Variants in BCL2L13 observed in about 807,000 individuals in gnomAD.
The protein encoded by BCL2L13 is BCL2 like 13.
In BCL2L13, 13 loss-of-function variants were observed where a neutral mutation model predicts 25.8. The ratio of observed to expected loss-of-function variants is 0.50; its 90% CI spans 0.33 to 0.80. BCL2L13 has a LOEUF of 0.80. BCL2L13 is among the 30% of genes least tolerant of loss of function. The pLI, the probability that BCL2L13 is intolerant of heterozygous loss-of-function variation, is 0.02. For missense variants in BCL2L13, 504 were observed against 574.9 expected, an observed-to-expected ratio of 0.88 and a Z score of 1.26; for synonymous variants, 244 against 230.3, an observed-to-expected ratio of 1.06 and a Z score of -0.54.
At position 17,655,140 on chromosome 22, in the gene BCL2L13, C is replaced by T. The variant is rs555583329; in HGVS notation, c.-50-522C>T. Among the ~76,000 whole-genome samples the T allele has an allele frequency of 3.9e-5, 6 of 151,998 alleles. No individual in the cohort carries two copies. In the South Asian group the frequency reaches 8.3e-4, roughly 21 times the overall value. On this transcript the variant is annotated intron_variant, in intron 1 of 6. Transcript: ENST00000317582. ...AAACAGACTCATTAGCCCAGGCCTA[C>T]ACAGAGTCAGGATTATTAATATCAC...
At chr22:17,696,732 T>G (rs1305970670) in intron 5 of BCL2L13, among the ~76,000 whole-genome samples, 3 of 152,192 alleles carry the variant, frequency 2.0e-5, no homozygotes, top group Non-Finnish European at 4.4e-5. Context: ...GAAAGAAAAG[T>G]TAAATGACTT....
intron 3 of BCL2L13, chr22:17,684,616 T>A (rs1483070120): frequency 2.2e-6 from 1 of 453,710 alleles, no homozygotes. Flanking sequence ...CAGGCTGGAG[T>A]GCAGTGGCAC....
intron 6 of BCL2L13, chr22:17,703,192 T>C (rs56151691): frequency 5.2e-5 from 7 of 134,934 alleles, no homozygotes; most frequent in African/African-American, 1.8e-4. Flanking sequence ...CACACACATA[T>C]GTATATGTAT....
intron 6 of BCL2L13, among the ~76,000 whole-genome samples, chr22:17,718,839 C>T (rs1424357707): frequency 6.6e-6 from 1 of 152,188 alleles, no homozygotes; most frequent in African/African-American, 2.4e-5. Context: ...ATATCAGTAT[C>T]TAATTTTGTA....
Position 17,657,758 on chromosome 22 carries a change from C to T in BCL2L13, c.121+1926C>T, listed in dbSNP as rs576119033. On this transcript the variant is annotated intron_variant, in intron 2 of 6. Transcript: ENST00000317582. ...GTCTTGATCATCTGACCTCATGATC[C>T]GCCTGCCTCGGCCTCCCAAAGTGCT... Among the ~76,000 whole-genome samples, 11 of 151,388 alleles carry T rather than the reference C, an allele frequency of 7.3e-5. No homozygotes were observed. The South Asian group carries it at 8.3e-4, about 11-fold the overall frequency.
chr22:17,660,417 T>TGATA (rs1250785469), intron 2 of BCL2L13, among the ~76,000 whole-genome samples: 1 of 145,010 alleles, frequency 6.9e-6, no homozygotes, highest in Non-Finnish European at 1.6e-5. Flanking sequence ...CTACACTTAC[T>TGATA]GATTGATTGA....
rs1243779368 is a variant in BCL2L13 at position 17,728,576 on chromosome 22, C to T, written c.*1042C>T. ...TAGTATATTTTTTCCAATATGGGAC[C>T]TTAGTCTTACTACTGATGAGTTCTA... On this transcript the variant is annotated 3_prime_UTR_variant, in exon 7 of 7. Coordinates refer to ENST00000317582, the MANE Select transcript of BCL2L13 (RefSeq NM_015367.4). 2.0e-5 allele frequency: 3 copies of T among 152,168 alleles called. No individual in the cohort carries two copies. The highest frequency in any genetic ancestry group is 7.2e-5 in the African/African-American group (3 of 41,434). The allele number at this position is 152,168 out of a possible 1,614,324, so 9.4% of individuals were successfully genotyped here.
chr22:17,684,071 C>T (rs114075833), intron 3 of BCL2L13, among the ~76,000 whole-genome samples: 1,662 of 152,026 alleles, frequency 0.011, 25 homozygotes, highest in African/African-American at 0.037. Context: ...TTTTGTCTTC[C>T]ATAGGTAATG....
intron 1 of BCL2L13, among the ~76,000 whole-genome samples, chr22:17,653,700 C>T (rs1231185222): frequency 2.0e-5 from 3 of 151,838 alleles, no homozygotes; most frequent in East Asian, 1.9e-4. Flanking sequence ...GACAGGGTCT[C>T]ACTGTGTTGT....
At chr22:17,653,696 G>A (rs990173777) in intron 1 of BCL2L13, among the ~76,000 whole-genome samples, 2 of 151,680 alleles carry the variant, frequency 1.3e-5, no homozygotes, top group African/African-American at 4.8e-5. Context: ...TAGAGACAGG[G>A]TCTCACTGTG....
chr22:17,671,170 A>C (rs2059404288), intron 2 of BCL2L13, among the ~76,000 whole-genome samples: 2 of 152,050 alleles, frequency 1.3e-5, no homozygotes, highest in African/African-American at 4.8e-5. Context: ...CGAGGTGGGT[A>C]GATCATGAGG....
rs1238757992 is a variant in BCL2L13 at position 17,727,202 on chromosome 22, C to G, written c.1126C>G (p.Leu376Val). ...TVEKSSPATS[L>V]FVELDEEEVK... ...TGAGAAATCCAGCCCTGCTACATCT[C>G]TGTTTGTAGAACTTGATGAAGAAGA... is the stretch of plus-strand genomic sequence containing the variant. Residue 376 changes from leucine to valine, a missense_variant, in exon 7 of 7, where the codon CTG (leucine) becomes GTG (valine). Coordinates refer to ENST00000317582, the MANE Select transcript of BCL2L13 (RefSeq NM_015367.4). The G allele has an allele frequency of 5.0e-6, 8 of 1,614,130 alleles. No homozygotes were observed. Among genetic ancestry groups the G allele is most frequent in the Non-Finnish European group, 6.8e-6 (8 of 1,180,058 alleles).
intron 1 of BCL2L13, among the ~76,000 whole-genome samples, chr22:17,650,006 GA>G (rs1229915913): frequency 6.6e-6 from 1 of 150,962 alleles, no homozygotes; most frequent in Non-Finnish European, 1.5e-5. Context: ...GAGTAGCTGG[GA>G]TTACAGGCGC....
At chr22:17,722,564 G>A (rs2061177201) in intron 6 of BCL2L13, among the ~76,000 whole-genome samples, 1 of 152,088 alleles carries the variant, frequency 6.6e-6, no homozygotes, top group Non-Finnish European at 1.5e-5. Context: ...CTATTTTTAA[G>A]CTCTTACCAT....
At chr22:17,697,276 T>C (rs2060293452) in intron 5 of BCL2L13, among the ~76,000 whole-genome samples, 1 of 152,036 alleles carries the variant, frequency 6.6e-6, no homozygotes, top group Non-Finnish European at 1.5e-5. Context: ...CCGTCTCTAC[T>C]AAAAATACAA....
At chr22:17,710,726 A>C (rs1303875773) in intron 6 of BCL2L13, among the ~76,000 whole-genome samples, 1 of 151,814 alleles carries the variant, frequency 6.6e-6, no homozygotes, top group Non-Finnish European at 1.5e-5. Context: ...AATACAAAAA[A>C]ATTAGCCGGG....
intron 1 of BCL2L13, among the ~76,000 whole-genome samples, chr22:17,643,542 C>A (rs1241074946): frequency 6.6e-6 from 1 of 152,204 alleles, no homozygotes; most frequent in Non-Finnish European, 1.5e-5. Context: ...ATTCCCTGTT[C>A]AAGCCACCAG....
intron 5 of BCL2L13, among the ~76,000 whole-genome samples, chr22:17,699,141 A>G (rs1345482337): frequency 6.6e-6 from 1 of 152,226 alleles, no homozygotes; most frequent in East Asian, 1.9e-4. Context: ...ACACTGGGTG[A>G]CATATAATAT....
chr22:17,725,797 A>T (rs905541217), intron 6 of BCL2L13, among the ~76,000 whole-genome samples: 3 of 150,918 alleles, frequency 2.0e-5, no homozygotes, highest in African/African-American at 7.3e-5. Context: ...GTTTGTGTGT[A>T]TGTGATGAGA....
Sources: gnomAD v4.1 joint callset for allele counts (sites outside exome capture counted in the v4.1 genomes callset) on GRCh38, gnomAD v4.1.1 for gene constraint, MANE v1.5 for transcripts, NCBI Gene and HGNC (gene_info 2026-07-23, HGNC 2026-07-21) for gene names.